Variants in PLEKHH3 observed in about 807,000 individuals in gnomAD.
PLEKHH3 encodes the protein pleckstrin homology domain-containing family H member 3.
PLEKHH3 carries 57 observed loss-of-function variants against 77.8 expected under a neutral mutation model. The ratio of observed to expected loss-of-function variants is 0.73; its 90% CI spans 0.59 to 0.91. The LOEUF is 0.91. Among genes scored for constraint, PLEKHH3 ranks in the 40% least tolerant of loss-of-function variants. The pLI is 0.00. For missense variants in PLEKHH3, 1,082 were observed against 1,091.2 expected, an observed-to-expected ratio of 0.99 and a Z score of 0.12; for synonymous variants, 467 against 504.8, an observed-to-expected ratio of 0.93 and a Z score of 1.00.
chr17:42,670,499 A>C (rs542237259), intron 10 of PLEKHH3, 74 bp downstream of exon 10: 2 of 1,548,008 alleles, frequency 1.3e-6, no homozygotes, highest in African/African-American at 1.4e-5. Flanking sequence ...ATAGTGATGA[A>C]ATGAGACGGC....
Position 42,673,543 on chromosome 17 carries a change from C to T in PLEKHH3, c.504G>A (p.Val168=), listed in dbSNP as rs367975453. 5.6e-5 allele frequency: 89 copies of T among 1,593,628 alleles called. No individual in the cohort carries two copies. The highest frequency in any genetic ancestry group is 7.2e-5 in the Non-Finnish European group (84 of 1,172,058). Residue 168 remains valine, a synonymous_variant, in exon 5 of 13, where the codon GTG becomes GTA. Coordinates refer to ENST00000591022, the MANE Select transcript of PLEKHH3 (RefSeq NM_024927.5). ...CACTGTGTTTCCGACCAGACACAGT[C>T]ACTGACCACAGACCTGGGGAAAAGA... The part of the protein sequence containing the change: ...RRRKETGLWS[V]TVSGRKHSVR...
rs1841829632 is a variant in PLEKHH3, at chr17:42,670,380, C to CA, written c.1555-5dup. 7.0e-7 allele frequency: 1 copy of CA among 1,437,080 alleles called. No individual in the cohort carries two copies. The highest frequency in any genetic ancestry group is 2.9e-5 in the Admixed American group (1 of 34,342). 89.0% of individuals were successfully genotyped at this position (1,437,080 alleles called of 1,614,324 possible). On this transcript the variant is annotated splice_region_variant and splice_polypyrimidine_tract_variant and intron_variant, in intron 10 of 12. Transcript: ENST00000591022. ...CCCGCAGCAGCAGAGCGTGAGCCTGCAGGGGAGGCACCCGGCGTCAGTGTA... is the reference window on the plus strand; with the variant it reads ...CCCGCAGCAGCAGAGCGTGAGCCTGCAAGGGGAGGCACCCGGCGTCAGTGTA...
Position 42,671,526 on chromosome 17 carries a change from G to T in PLEKHH3, c.1109C>A (p.Ala370Glu), listed in dbSNP as rs1454470920. Residue 370 changes from alanine (A) to glutamate (E), a missense_variant, in exon 8 of 13, where the codon GCG (alanine) becomes GAG (glutamate). Physicochemically the swap from Ala to Glu is moderately radical, Grantham distance 107. Coordinates refer to ENST00000591022, the MANE Select transcript of PLEKHH3 (RefSeq NM_024927.5). This position sits in a 1 kb window ranked among gnomAD's most constrained non-coding sequence, Gnocchi z 4.7. ...TEQALPDSEL[A>E]EYARFIRKAL... ...TTTCCGGATGAAGCGCGCATATTCCGCCAGTTCCGAGTCCGGGAGTGCCTG... is the reference window on the plus strand; with the variant it reads ...TTTCCGGATGAAGCGCGCATATTCCTCCAGTTCCGAGTCCGGGAGTGCCTG... The T allele has an allele frequency of 3.1e-6, 5 of 1,612,346 alleles. No homozygotes were observed. The highest frequency in any genetic ancestry group is 2.2e-5 in the South Asian group (2 of 90,880).
rs1005894856 is a variant in PLEKHH3, at chr17:42,670,244, GCAGGCGGTC to G, written c.1678_1686del (p.Asp560_Leu562del). ...TCGCGCGGCGGGGCCGGGGGCGGGA[GCAGGCGGTC>G]CAGGCGGGGCAGGGGCACCCGCGGA... On this transcript the variant is annotated inframe_deletion, in exon 11 of 13. Coordinates refer to ENST00000591022, the MANE Select transcript of PLEKHH3 (RefSeq NM_024927.5). 8.1e-7 allele frequency: 1 copy of G among 1,229,722 alleles called. No individual in the cohort carries two copies. The highest frequency in any genetic ancestry group is 4.3e-5 in the Admixed American group (1 of 23,274). 76.2% of individuals were successfully genotyped at this position (1,229,722 alleles called of 1,614,324 possible). A position where few individuals can be genotyped will look rare whatever the true frequency, so the allele number is the denominator to read the frequency against.
At position 42,670,320 on chromosome 17, in the gene PLEKHH3, G is replaced by A; in HGVS notation, c.1611C>T (p.Ala537=). Residue 537 remains alanine, a synonymous_variant, in exon 11 of 13, where the codon GCC becomes GCT. Coordinates refer to ENST00000591022, the MANE Select transcript of PLEKHH3 (RefSeq NM_024927.5). ...RPPPPDDTLR[A]LAALRLQSLQ... ...GGCTCTGCAGGCGCAGCGCCGCCAGGGCGCGCAGCGTGTCGTCGGGTGGGG... is the reference window on the plus strand; with the variant it reads ...GGCTCTGCAGGCGCAGCGCCGCCAGAGCGCGCAGCGTGTCGTCGGGTGGGG... The A allele has an allele frequency of 7.2e-7, 1 of 1,396,130 alleles. No individual in the cohort carries two copies. Among genetic ancestry groups the A allele is most frequent in the Non-Finnish European group, 9.2e-7 (1 of 1,082,604 alleles). 86.5% of individuals were successfully genotyped at this position (1,396,130 alleles called of 1,614,324 possible).
Position 42,670,153 on chromosome 17 carries a change from C to G in PLEKHH3, c.1778G>C (p.Ser593Thr). 8.1e-7 allele frequency: 1 copy of G among 1,227,740 alleles called. No individual in the cohort carries two copies. Among genetic ancestry groups the G allele is most frequent in the Non-Finnish European group, 1.0e-6 (1 of 988,228 alleles). The allele number at this position is 1,227,740 out of a possible 1,614,324, so 76.1% of individuals were successfully genotyped here. A position where few individuals can be genotyped will look rare whatever the true frequency, so the allele number is the denominator to read the frequency against. ...SAALLAGALW[S>T]PGLAKRRAER... Reference sequence around the variant, plus strand: ...CGCCCGCCTCTTGGCCAGGCCCGGGCTCCAGAGCGCCCCGGCCAGCAGGGC... The same window carrying G: ...CGCCCGCCTCTTGGCCAGGCCCGGGGTCCAGAGCGCCCCGGCCAGCAGGGC... The change falls in exon 11 of 13, where the codon AGC becomes ACC. Residue 593 changes from serine to threonine, a missense_variant. This residue lies in a region of PLEKHH3 where 733 missense variants were observed against 750.0 expected (regional missense o/e 0.98). Coordinates refer to ENST00000591022, the MANE Select transcript of PLEKHH3 (RefSeq NM_024927.5).
In PLEKHH3 at chr17:42,676,942, C is replaced by T. The variant is rs914558377; in HGVS notation, c.-379G>A. ...GGGAGGGTCGTGTCCGGTAGGGCGTCCGGTGGCCGGGGCCCGGGCCGCGCG... is the reference window on the plus strand; with the variant it reads ...GGGAGGGTCGTGTCCGGTAGGGCGTTCGGTGGCCGGGGCCCGGGCCGCGCG... On this transcript the variant is annotated 5_prime_UTR_variant, in exon 1 of 13. Transcript: ENST00000591022. The surrounding 1 kb of genome is among the most constrained non-coding windows in gnomAD (Gnocchi z 6.6). 1 of 184,354 alleles carries T rather than the reference C, an allele frequency of 5.4e-6. No individual in the cohort carries two copies. The highest frequency in any genetic ancestry group is 1.1e-5 in the Non-Finnish European group (1 of 89,764). The allele number at this position is 184,354 out of a possible 1,614,324, so 11.4% of individuals were successfully genotyped here.
chr17:42,676,366 G>T lies in PLEKHH3; in HGVS notation c.162+36C>A, dbSNP rs767117331. ...AGCGTGACGGCCGGTTACAGCGAGA[G>T]TGATTGAGACGAGGCTCCGAACCCC... On this transcript the variant is annotated intron_variant, in intron 1 of 12. Coordinates refer to ENST00000591022, the MANE Select transcript of PLEKHH3 (RefSeq NM_024927.5). The surrounding 1 kb of genome is among the most constrained non-coding windows in gnomAD (Gnocchi z 6.6). The T allele has an allele frequency of 1.9e-6, 3 of 1,610,122 alleles. No homozygotes were observed. In the East Asian group the frequency reaches 6.7e-5, roughly 36 times the overall value.
chr17:42,667,933 T>A lies in PLEKHH3; in HGVS notation c.*194A>T. 7.4e-6 allele frequency: 1 copy of A among 134,916 alleles called. No individual in the cohort carries two copies. Among genetic ancestry groups the A allele is most frequent in the Non-Finnish European group, 1.1e-5 (1 of 87,428 alleles). The allele number at this position is 134,916 out of a possible 1,614,324, so 8.4% of individuals were successfully genotyped here. A position where few individuals can be genotyped will look rare whatever the true frequency, so the allele number is the denominator to read the frequency against. On this transcript the variant is annotated 3_prime_UTR_variant, in exon 13 of 13. Coordinates refer to ENST00000591022, the MANE Select transcript of PLEKHH3 (RefSeq NM_024927.5). ...GAAGGGTTTGTGTAAATAAGAAACT[T>A]TTTTTTTTTTTTTGCTTCTCTTCTA...
rs188269240 is a variant in PLEKHH3 at position 42,668,480 on chromosome 17, C to T, written c.2206-177G>A. 4.3e-4 allele frequency: 215 copies of T among 501,500 alleles called. 1 individual carries two copies. Among genetic ancestry groups the T allele is most frequent in the Non-Finnish European group, 6.0e-4 (186 of 307,914 alleles). 31.1% of individuals were successfully genotyped at this position (501,500 alleles called of 1,614,324 possible). A position where few individuals can be genotyped will look rare whatever the true frequency, so the allele number is the denominator to read the frequency against. ...TTCATTTCTTTTTTGTTTTTTGAGA[C>T]GGAGTCTCGCTGTGTCCCCCAGGTT... On this transcript the variant is annotated intron_variant, in intron 12 of 12. Coordinates refer to ENST00000591022, the MANE Select transcript of PLEKHH3 (RefSeq NM_024927.5).
Position 42,669,436 on chromosome 17 carries a change from G to GT in PLEKHH3, c.2198_2199insA (p.Ser733ArgfsTer84). ...AACTCCTCTTCTCACTCACCTGGGG[G>GT]CTCTGCAGGAGGAGCTGGCTCTCTC... is the stretch of plus-strand genomic sequence containing the variant. On this transcript the variant is annotated frameshift_variant, in exon 12 of 13. Transcript: ENST00000591022. LOFTEE classifies it high-confidence loss of function. The GT allele has an allele frequency of 6.5e-7, 1 of 1,538,270 alleles. No homozygotes were observed. Among genetic ancestry groups the GT allele is most frequent in the Non-Finnish European group, 8.8e-7 (1 of 1,138,408 alleles).
rs1031093855 is a variant in PLEKHH3 at position 42,674,379 on chromosome 17, C to T, written c.193G>A (p.Val65Met). The part of the protein sequence containing the change: ...GPLEVTLTQP[V>M]RSGPVSNRLQ... ...CTGTTGGAGACAGGCCCGCTCCTCACTGGCTGAGTCAGCGTCACTTCCAGG... is the reference window on the plus strand; with the variant it reads ...CTGTTGGAGACAGGCCCGCTCCTCATTGGCTGAGTCAGCGTCACTTCCAGG... Residue 65 changes from valine to methionine, a missense_variant, in exon 2 of 13, where the codon GTG becomes ATG. Around this residue, in one of 3 missense-constraint regions of PLEKHH3, gnomAD observed 344 missense variants for 320.8 expected, o/e 1.07. Transcript: ENST00000591022. The T allele has an allele frequency of 4.4e-6, 7 of 1,595,170 alleles. No homozygotes were observed. The highest frequency in any genetic ancestry group is 4.0e-5 in the African/African-American group (3 of 74,194).
chr17:42,670,759 G>T, intron 9 of PLEKHH3, 54 bp from the exon 10 acceptor site: 1 of 1,576,348 alleles, frequency 6.3e-7, no homozygotes, highest in South Asian at 1.1e-5. Flanking sequence ...CCTACGGCGA[G>T]GGCAGCTTGG....
At chr17:42,675,766 G>C (rs2052810231) in intron 1 of PLEKHH3, 1 of 693,364 alleles carries the variant, frequency 1.4e-6, no homozygotes, top group Non-Finnish European at 1.8e-6. Flanking sequence ...GGGGAGATTC[G>C]ACAAAACCAG....
At position 42,669,609 on chromosome 17, in the gene PLEKHH3, C is replaced by T. The variant is rs2143551702; in HGVS notation, c.2026G>A (p.Gly676Ser). The T allele has an allele frequency of 1.9e-6, 3 of 1,605,036 alleles. No homozygotes were observed. The highest frequency in any genetic ancestry group is 2.6e-6 in the Non-Finnish European group (3 of 1,173,572). ...VLELSTEPGR[G>S]APQKLCLGLG... Reference sequence around the variant, plus strand: ...CCCAGGCACAGCTTCTGTGGAGCACCCCGACCAGGCTCCTGCAGACAGAGA... The same window carrying T: ...CCCAGGCACAGCTTCTGTGGAGCACTCCGACCAGGCTCCTGCAGACAGAGA... The change falls in exon 12 of 13, where the codon GGT (glycine) becomes AGT (serine). Residue 676 changes from glycine to serine, a missense_variant. This residue lies in a region of PLEKHH3 where 733 missense variants were observed against 750.0 expected (regional missense o/e 0.98). Coordinates refer to ENST00000591022, the MANE Select transcript of PLEKHH3 (RefSeq NM_024927.5).
At position 42,668,112 on chromosome 17, in the gene PLEKHH3, G is replaced by A. The variant is rs773088417; in HGVS notation, c.*15C>T. On this transcript the variant is annotated 3_prime_UTR_variant, in exon 13 of 13. Transcript: ENST00000591022. Reference sequence around the variant, plus strand: ...AGGCTGCAGGCAGGAGGGAAGTCGTGACCTCTTGGCAGGCTCAGTCCTGCA... The same window carrying A: ...AGGCTGCAGGCAGGAGGGAAGTCGTAACCTCTTGGCAGGCTCAGTCCTGCA... 7.1e-7 allele frequency: 1 copy of A among 1,407,758 alleles called. No homozygotes were observed. Among genetic ancestry groups the A allele is most frequent in the East Asian group, 2.8e-5 (1 of 35,890 alleles). 87.2% of individuals were successfully genotyped at this position (1,407,758 alleles called of 1,614,324 possible).
intron 7 of PLEKHH3, 81 bp downstream of exon 7, chr17:42,672,005 G>A (rs1003583154): frequency 1.7e-6 from 2 of 1,197,324 alleles, no homozygotes; most frequent in Non-Finnish European, 2.3e-6. Context: ...TACCTACCAA[G>A]TCTTTTGCAA....
chr17:42,668,292 G>T lies in PLEKHH3; in HGVS notation c.2217C>A (p.Ile739=). The change falls in exon 13 of 13, where the codon ATC becomes ATA. Residue 739 remains isoleucine, a synonymous_variant. Coordinates refer to ENST00000591022, the MANE Select transcript of PLEKHH3 (RefSeq NM_024927.5). ...LLLQSPQVEE[I]MQLVNAYLAN... ...CCAAGTAGGCATTCACCAGCTGCAT[G>T]ATCTCTTCCACCTAAGAGAGGGCAG... The T allele has an allele frequency of 6.4e-7, 1 of 1,550,688 alleles. No individual in the cohort carries two copies. Among genetic ancestry groups the T allele is most frequent in the Non-Finnish European group, 8.6e-7 (1 of 1,157,074 alleles).
chr17:42,670,714 G>C lies in PLEKHH3; in HGVS notation c.1422-9C>G. ...CTTCCTCCGCGGCCAAGCTGCAGAA[G>C]AGGAGCGGACGAAGCGCTAGGGAGA... On this transcript the variant is annotated splice_polypyrimidine_tract_variant and intron_variant, in intron 9 of 12. Coordinates refer to ENST00000591022, the MANE Select transcript of PLEKHH3 (RefSeq NM_024927.5). 1 of 1,611,164 alleles carries C rather than the reference G, an allele frequency of 6.2e-7. No individual in the cohort carries two copies.
Sources: allele counts gnomAD v4.1 joint callset, GRCh38; gene constraint gnomAD v4.1.1; regional missense constraint gnomAD v4.1.1; non-coding constraint Gnocchi (gnomAD v3.1); transcripts MANE v1.5; gene names NCBI Gene and HGNC (gene_info 2026-07-23, HGNC 2026-07-21).